COMMD1: variants seen among roughly 807,000 people sequenced by gnomAD.
COMMD1 encodes COMM domain-containing protein 1.
Under a neutral mutation model 17.2 loss-of-function variants are expected in COMMD1, and 10 were observed. The observed-to-expected ratio is 0.58, with a 90% CI of 0.36 to 0.99. The LOEUF (loss-of-function observed/expected upper bound fraction) is 0.99. Ranked by LOEUF, COMMD1 falls within the 50% of genes least tolerant of loss-of-function variation. The pLI, the probability that COMMD1 is intolerant of heterozygous loss-of-function variation, is 0.01. For synonymous variants in COMMD1, 97 were observed against 91.6 expected (o/e 1.06, Z -0.34); for missense variants, 270 against 231.8 (o/e 1.17, Z -1.07).
At position 61,917,288 on chromosome 2, in the gene COMMD1, C is replaced by T. The variant is rs184718478; in HGVS notation, c.180+11430C>T. ...AGGAGAATCGCTTGAACCCGGGAGG[C>T]GGAGGTTGCAGTGAGCCGAGATTGT... is the stretch of plus-strand genomic sequence containing the variant. On this transcript the variant is annotated intron_variant, in intron 1 of 2. Coordinates refer to ENST00000311832, the MANE Select transcript of COMMD1 (RefSeq NM_152516.4). Among the ~76,000 whole-genome samples, 1,195 of 150,242 alleles carry T rather than the reference C, an allele frequency of 8.0e-3. 6 individuals carry two copies. Among genetic ancestry groups the T allele is most frequent in the Non-Finnish European group, 0.012 (844 of 67,728 alleles).
chr2:61,997,911 A>C (rs1668809607), intron 1 of COMMD1, among the ~76,000 whole-genome samples: 1 of 152,256 alleles, frequency 6.6e-6, no homozygotes, highest in Non-Finnish European at 1.5e-5. Flanking sequence ...TGGCTATTTC[A>C]TCTATATTGA....
intron 2 of COMMD1, among the ~76,000 whole-genome samples, chr2:62,053,713 A>C (rs982230588): frequency 2.0e-5 from 3 of 152,192 alleles, no homozygotes; most frequent in Non-Finnish European, 4.4e-5. Context: ...CATTGATGTC[A>C]CACCAGTTAC....
At chr2:62,124,851 A>G (rs567884815) in intron 2 of COMMD1, among the ~76,000 whole-genome samples, 85 of 152,284 alleles carry the variant, frequency 5.6e-4, no homozygotes, top group African/African-American at 1.9e-3. Flanking sequence ...GTCCCTTGGA[A>G]AGTTGATCAC....
At chr2:61,969,549 T>A (rs1055280661) in intron 1 of COMMD1, among the ~76,000 whole-genome samples, 3 of 152,242 alleles carry the variant, frequency 2.0e-5, no homozygotes, top group Admixed American at 6.5e-5. Context: ...TGTTGACAAG[T>A]ACAGATTTGT....
intron 2 of COMMD1, chr2:62,118,092 C>A (rs900309716): frequency 2.6e-5 from 4 of 152,154 alleles, no homozygotes; most frequent in Admixed American, 2.0e-4. Context: ...TCCTCCCTAA[C>A]TTAGATTAGA....
intron 2 of COMMD1, among the ~76,000 whole-genome samples, chr2:62,131,219 C>T (rs1185683036): frequency 6.6e-6 from 1 of 152,218 alleles, no homozygotes; most frequent in Admixed American, 6.5e-5. Flanking sequence ...GAGTTTAATA[C>T]ACTGCTGTAC....
At chr2:61,974,251 C>A (rs747490090) in intron 1 of COMMD1, among the ~76,000 whole-genome samples, 1 of 152,026 alleles carries the variant, frequency 6.6e-6, no homozygotes, top group Admixed American at 6.6e-5. Flanking sequence ...CTGCTGCACT[C>A]CAGCCTGGGC....
At chr2:61,938,506 T>G (rs1670658187) in intron 1 of COMMD1, among the ~76,000 whole-genome samples, 1 of 152,224 alleles carries the variant, frequency 6.6e-6, no homozygotes, top group South Asian at 2.1e-4. Flanking sequence ...AACAAGGCAC[T>G]TGACCTTTTC....
At chr2:62,033,676 C>T (rs1669967953) in intron 2 of COMMD1, among the ~76,000 whole-genome samples, 1 of 152,090 alleles carries the variant, frequency 6.6e-6, no homozygotes, top group African/African-American at 2.4e-5. Flanking sequence ...TCTCAAGCTA[C>T]TACATTTAGT....
At chr2:61,900,549 C>T (rs188514245) in intron 1 of COMMD1, among the ~76,000 whole-genome samples, 9 of 152,292 alleles carry the variant, frequency 5.9e-5, no homozygotes, top group Admixed American at 4.6e-4. Context: ...CTTATGATCC[C>T]TATTTTAACA....
At chr2:61,964,490 A>G (rs897447126) in intron 1 of COMMD1, among the ~76,000 whole-genome samples, 6 of 152,086 alleles carry the variant, frequency 3.9e-5, no homozygotes, top group African/African-American at 1.4e-4. Flanking sequence ...CTGGGATTAT[A>G]GGCGTGAGGC....
At chr2:62,127,576 A>G (rs927855182) in intron 2 of COMMD1, among the ~76,000 whole-genome samples, 14 of 152,236 alleles carry the variant, frequency 9.2e-5, no homozygotes, top group African/African-American at 2.2e-4. Flanking sequence ...AAGACTGCAC[A>G]TCTACAACCA....
chr2:61,901,505 C>T (rs1669656068), upstream of COMMD1, among the ~76,000 whole-genome samples: 1 of 151,846 alleles, frequency 6.6e-6, no homozygotes, highest in Admixed American at 6.6e-5. Flanking sequence ...CATATGTAAT[C>T]CCAGTTACTA....
At chr2:61,989,676 A>C (rs1672195493) in intron 1 of COMMD1, among the ~76,000 whole-genome samples, 1 of 151,908 alleles carries the variant, frequency 6.6e-6, no homozygotes, top group Non-Finnish European at 1.5e-5. Context: ...GTTGGCCAGC[A>C]GGTCTCGAAA....
chr2:62,075,698 G>C (rs935328317), intron 2 of COMMD1, among the ~76,000 whole-genome samples: 1 of 152,152 alleles, frequency 6.6e-6, no homozygotes, highest in Non-Finnish European at 1.5e-5. Flanking sequence ...CTAGACCTCT[G>C]GCTCCCACCC....
chr2:62,071,098 A>G (rs1205458325), intron 2 of COMMD1, among the ~76,000 whole-genome samples: 1 of 152,172 alleles, frequency 6.6e-6, no homozygotes, highest in East Asian at 1.9e-4. Flanking sequence ...TGGGCTGCTT[A>G]TTCTTATTGT....
chr2:62,028,358 C>T (rs751213464), intron 2 of COMMD1, among the ~76,000 whole-genome samples: 1 of 152,130 alleles, frequency 6.6e-6, no homozygotes, highest in Admixed American at 6.5e-5. Flanking sequence ...AGTCTTGATA[C>T]ACTTTAATAT....
chr2:62,028,609 T>C (rs1669835637), intron 2 of COMMD1, among the ~76,000 whole-genome samples: 1 of 152,188 alleles, frequency 6.6e-6, no homozygotes, highest in South Asian at 2.1e-4. Context: ...AAAATAATGA[T>C]GCCAATAAAA....
chr2:61,923,048 C>T (rs2105196185), intron 1 of COMMD1, among the ~76,000 whole-genome samples: 2 of 152,254 alleles, frequency 1.3e-5, no homozygotes, highest in South Asian at 4.2e-4. Context: ...GATATCTAGC[C>T]TCAAGAGATT....
Sources: gnomAD v4.1 joint callset for allele counts (sites outside exome capture counted in the v4.1 genomes callset) on GRCh38, gnomAD v4.1.1 for gene constraint, MANE v1.5 for transcripts, NCBI Gene and HGNC (gene_info 2026-07-23, HGNC 2026-07-21) for gene names.